Variants in CTNNA2 observed in about 807,000 individuals in gnomAD.
The protein encoded by CTNNA2 is catenin alpha-2.
CTNNA2 carries 42 observed loss-of-function variants against 101.0 expected under a neutral mutation model. The ratio of observed to expected loss-of-function variants is 0.42; its 90% CI spans 0.32 to 0.54. The LOEUF (loss-of-function observed/expected upper bound fraction) is 0.54. CTNNA2 is among the 20% of genes least tolerant of loss of function. The probability of loss-of-function intolerance (pLI) is 0.14; values close to 1 mark genes in which losing one functional copy is unlikely to be tolerated. For synonymous variants in CTNNA2, 450 were observed against 456.4 expected (o/e 0.99, Z 0.18); for missense variants, 871 against 1,223.1 (o/e 0.71, Z 4.29).
chr2:79,354,696 C>A (rs1289732757), intron 3 of CTNNA2, among the ~76,000 whole-genome samples: 1 of 152,128 alleles, frequency 6.6e-6, no homozygotes, highest in African/African-American at 2.4e-5. Context: ...CCTTGGGCAT[C>A]ATGAGATCTG....
intron 2 of CTNNA2, among the ~76,000 whole-genome samples, chr2:79,231,114 A>G (rs1199958680): frequency 6.6e-6 from 1 of 152,146 alleles, no homozygotes; most frequent in African/African-American, 2.4e-5. Flanking sequence ...ACTGTTGGGA[A>G]GGCATGATGG....
intron 7 of CTNNA2, chr2:80,313,289 A>AAAT (rs1677777383): frequency 1.1e-6 from 1 of 884,904 alleles, no homozygotes; most frequent in Non-Finnish European, 1.5e-6. Context: ...AAGAATCTTG[A>AAAT]AAATGCCTTT....
At chr2:79,230,451 T>G (rs867605034) in intron 2 of CTNNA2, among the ~76,000 whole-genome samples, 1 of 152,238 alleles carries the variant, frequency 6.6e-6, no homozygotes, top group Non-Finnish European at 1.5e-5. Flanking sequence ...AGTCAAGAAC[T>G]GAGGTTTGGG....
chr2:79,499,773 C>A (rs140771021), intron 4 of CTNNA2, among the ~76,000 whole-genome samples: 47 of 152,328 alleles, frequency 3.1e-4, no homozygotes, highest in African/African-American at 1.1e-3. Context: ...TACATGGAGC[C>A]TTGCAGGCAC....
At chr2:79,783,797 G>T (rs1253262026) in intron 3 of CTNNA2, among the ~76,000 whole-genome samples, 1 of 152,068 alleles carries the variant, frequency 6.6e-6, no homozygotes, top group Non-Finnish European at 1.5e-5. Context: ...TTCCCAACTG[G>T]ATTGTAAAGA....
intron 7 of CTNNA2, among the ~76,000 whole-genome samples, chr2:80,231,349 C>T (rs80035765): frequency 0.018 from 2,668 of 152,264 alleles, 78 homozygotes; most frequent in African/African-American, 0.06. Context: ...AGAGCGTCAC[C>T]TCTGAGACTG....
At chr2:79,325,510 T>C (rs1676726313) in intron 3 of CTNNA2, among the ~76,000 whole-genome samples, 1 of 152,182 alleles carries the variant, frequency 6.6e-6, no homozygotes, top group South Asian at 2.1e-4. Flanking sequence ...AGCTCCTTTC[T>C]CCAAGTGGCT....
intron 7 of CTNNA2, among the ~76,000 whole-genome samples, chr2:79,948,528 G>A (rs960212932): frequency 3.9e-5 from 6 of 152,186 alleles, no homozygotes; most frequent in South Asian, 2.1e-4. Flanking sequence ...GGCGCATAGC[G>A]TTATGATTTT....
chr2:79,494,772 AG>A (rs1282818107), intron 4 of CTNNA2, among the ~76,000 whole-genome samples: 2 of 152,190 alleles, frequency 1.3e-5, no homozygotes, highest in African/African-American at 2.4e-5. Flanking sequence ...CAACATTAAA[AG>A]CACAAGTGAC....
intron 13 of CTNNA2, among the ~76,000 whole-genome samples, chr2:80,580,575 A>C (rs1444133700): frequency 6.6e-6 from 1 of 152,016 alleles, no homozygotes; most frequent in African/African-American, 2.4e-5. Context: ...CTTACCTCTA[A>C]ATAGAGAATG....
intron 9 of CTNNA2, among the ~76,000 whole-genome samples, chr2:80,486,145 CA>C (rs1327422664): frequency 6.6e-6 from 1 of 152,132 alleles, no homozygotes; most frequent in Non-Finnish European, 1.5e-5. Flanking sequence ...GTGTTAGAAA[CA>C]GAATGTTCAT....
At chr2:80,038,439 G>A (rs528483305) in intron 7 of CTNNA2, among the ~76,000 whole-genome samples, 53 of 152,258 alleles carry the variant, frequency 3.5e-4, no homozygotes, top group African/African-American at 1.2e-3. Flanking sequence ...TTAAATGTGA[G>A]GCCGGGCGCG....
intron 7 of CTNNA2, among the ~76,000 whole-genome samples, chr2:80,041,003 T>C (rs1696015988): frequency 6.6e-6 from 1 of 151,680 alleles, no homozygotes; most frequent in Non-Finnish European, 1.5e-5. Flanking sequence ...TATGGTATAA[T>C]TCTTTGAAAT....
rs552488309 is a variant in CTNNA2 at position 79,232,357 on chromosome 2, C to T, written c.-406+34281C>T. ...TTGATTCTGTTTATGTGGTGAATCACATTTATTGATTTGCATGTGTTGAAC... is the reference window on the plus strand; with the variant it reads ...TTGATTCTGTTTATGTGGTGAATCATATTTATTGATTTGCATGTGTTGAAC... On this transcript the variant is annotated intron_variant, in intron 2 of 21. Transcript: ENST00000466387. 2.0e-5 allele frequency among the ~76,000 whole-genome samples: 3 copies of T among 152,176 alleles called. No homozygotes were observed. The South Asian group carries it at 6.2e-4, about 32-fold the overall frequency.
chr2:79,622,358 G>A (rs1229697931), intron 1 of CTNNA2, among the ~76,000 whole-genome samples: 1 of 152,106 alleles, frequency 6.6e-6, no homozygotes, highest in East Asian at 1.9e-4. Flanking sequence ...AGCTGGATGC[G>A]TTAAACTCTG....
intron 7 of CTNNA2, among the ~76,000 whole-genome samples, chr2:80,307,140 C>A (rs1461425634): frequency 6.6e-6 from 1 of 150,856 alleles, no homozygotes; most frequent in African/African-American, 2.4e-5. Context: ...TATCTTTAAG[C>A]CTTTCCCACC....
chr2:80,385,972 A>G (rs1263480003), intron 7 of CTNNA2, among the ~76,000 whole-genome samples: 5 of 152,270 alleles, frequency 3.3e-5, no homozygotes, highest in Non-Finnish European at 7.4e-5. Flanking sequence ...GAGGGCTGCT[A>G]CTGAAATAAC....
chr2:80,324,632 T>G (rs1438513940), intron 7 of CTNNA2, among the ~76,000 whole-genome samples: 1 of 152,174 alleles, frequency 6.6e-6, no homozygotes, highest in Admixed American at 6.5e-5. Context: ...GAGAACTAAA[T>G]TCTTAGCTTC....
At chr2:79,911,749 T>C (rs1685815580) in intron 7 of CTNNA2, among the ~76,000 whole-genome samples, 1 of 152,228 alleles carries the variant, frequency 6.6e-6, no homozygotes, top group African/African-American at 2.4e-5. Flanking sequence ...TGAACCATCA[T>C]GATCAAAGCC....
Sources: allele counts gnomAD v4.1 joint callset (sites outside exome capture counted in the v4.1 genomes callset), GRCh38; gene constraint gnomAD v4.1.1; transcripts MANE v1.5; gene names NCBI Gene and HGNC (gene_info 2026-07-23, HGNC 2026-07-21).